PCDH15: variants seen among roughly 807,000 people sequenced by gnomAD.
PCDH15 encodes the protein protocadherin-15.
In PCDH15, 129 loss-of-function variants were observed where a neutral mutation model predicts 178.5. That is an observed-to-expected ratio of 0.72 (90% CI 0.63 to 0.84). The LOEUF (loss-of-function observed/expected upper bound fraction) is 0.84, where lower values mean the gene tolerates loss of function less well. Among genes scored for constraint, PCDH15 ranks in the 40% least tolerant of loss-of-function variants. PCDH15 has a pLI of 0.00. For synonymous variants in PCDH15, 800 were observed against 732.0 expected (o/e 1.09, Z -1.50); for missense variants, 2,230 against 2,099.9 (o/e 1.06, Z -1.21).
intron 2 of PCDH15, among the ~76,000 whole-genome samples, chr10:54,999,998 C>G (rs891076089): frequency 1.6e-4 from 25 of 152,070 alleles, no homozygotes; most frequent in African/African-American, 6.0e-4. Context: ...TATCACAAGG[C>G]AAATGGAGGC....
At chr10:54,284,451 C>A (rs1368169279) in intron 8 of PCDH15, among the ~76,000 whole-genome samples, 1 of 152,062 alleles carries the variant, frequency 6.6e-6, no homozygotes, top group Non-Finnish European at 1.5e-5. Flanking sequence ...TCCAGTATAT[C>A]ATAAATATAT....
chr10:53,873,177 C>T (rs537805653), intron 26 of PCDH15, among the ~76,000 whole-genome samples: 2 of 152,312 alleles, frequency 1.3e-5, no homozygotes, highest in South Asian at 2.1e-4. Flanking sequence ...TATAGAATCA[C>T]CATCTGTAAT....
At chr10:55,617,815 C>T (rs1296197974) in intron 2 of PCDH15, among the ~76,000 whole-genome samples, 1 of 152,010 alleles carries the variant, frequency 6.6e-6, no homozygotes, top group Non-Finnish European at 1.5e-5. Context: ...ACAAATCACT[C>T]TTTCACAGTC....
intron 8 of PCDH15, among the ~76,000 whole-genome samples, chr10:54,238,375 T>C (rs929440530): frequency 2.0e-5 from 3 of 152,078 alleles, no homozygotes; most frequent in Non-Finnish European, 4.4e-5. Flanking sequence ...ATTGAAGTTA[T>C]AATAAGGATA....
At chr10:54,474,042 T>TA (rs2078101969) in intron 3 of PCDH15, among the ~76,000 whole-genome samples, 1 of 151,898 alleles carries the variant, frequency 6.6e-6, no homozygotes. Context: ...TGATTCCTGA[T>TA]AAAGTAAATT....
At chr10:55,455,024 T>C (rs1038083599) in intron 2 of PCDH15, among the ~76,000 whole-genome samples, 7 of 152,088 alleles carry the variant, frequency 4.6e-5, no homozygotes, top group African/African-American at 1.7e-4. Context: ...ATGTAAGTGC[T>C]TACAAATAGT....
intron 28 of PCDH15, among the ~76,000 whole-genome samples, chr10:53,856,243 G>GA (rs1045178399): frequency 2.7e-5 from 4 of 150,540 alleles, no homozygotes; most frequent in Admixed American, 6.6e-5. Context: ...ACCAAAAAAA[G>GA]AAAAAAAAAT....
intron 3 of PCDH15, among the ~76,000 whole-genome samples, chr10:54,862,623 C>A (rs1156844140): frequency 6.6e-6 from 1 of 152,076 alleles, no homozygotes; most frequent in Non-Finnish European, 1.5e-5. Flanking sequence ...TAGATTCAGG[C>A]CCTCCCAAGG....
At chr10:55,370,351 T>C (rs1845476177) in intron 2 of PCDH15, among the ~76,000 whole-genome samples, 1 of 152,136 alleles carries the variant, frequency 6.6e-6, no homozygotes, top group African/African-American at 2.4e-5. Flanking sequence ...CAAAAAAAAT[T>C]AAAAAGCTCA....
chr10:53,940,314 A>T (rs1258950141), intron 24 of PCDH15, among the ~76,000 whole-genome samples: 1 of 152,136 alleles, frequency 6.6e-6, no homozygotes. Flanking sequence ...TAAATTACAA[A>T]AACTTATATT....
intron 2 of PCDH15, among the ~76,000 whole-genome samples, chr10:55,406,644 G>A (rs1007003539): frequency 3.9e-5 from 6 of 152,080 alleles, no homozygotes; most frequent in Non-Finnish European, 8.8e-5. Flanking sequence ...CACTTTTTAG[G>A]TATCCACATA....
chr10:55,182,137 A>G (rs1365231450), intron 1 of PCDH15, among the ~76,000 whole-genome samples: 1 of 151,966 alleles, frequency 6.6e-6, no homozygotes, highest in Non-Finnish European at 1.5e-5. Flanking sequence ...TTCTAGCATG[A>G]GGATACTTAT....
At chr10:54,728,987 G>A (rs975626963) in intron 1 of PCDH15, among the ~76,000 whole-genome samples, 11 of 151,300 alleles carry the variant, frequency 7.3e-5, no homozygotes, top group Admixed American at 4.6e-4. Flanking sequence ...TAGTAAAAAG[G>A]GCATACTGTC....
At chr10:55,538,881 CCT>C in intron 2 of PCDH15, among the ~76,000 whole-genome samples, 1 of 52,474 alleles carries the variant, frequency 1.9e-5, no homozygotes, top group Non-Finnish European at 3.6e-5. Context: ...TTCCTTCCTC[CCT>C]TCCTTCCTTT....
intron 2 of PCDH15, among the ~76,000 whole-genome samples, chr10:55,349,081 A>C (rs1900485): frequency 0.25 from 37,853 of 151,964 alleles, 5,825 homozygotes; most frequent in Admixed American, 0.35. Flanking sequence ...AGTGAGGAGA[A>C]CTATTGGGTC....
At chr10:55,153,541 A>T (rs2799583) in intron 2 of PCDH15, among the ~76,000 whole-genome samples, 5 of 152,080 alleles carry the variant, frequency 3.3e-5, no homozygotes, top group African/African-American at 1.2e-4. Context: ...AGAAGCTAGA[A>T]GTCATACAGC....
intron 11 of PCDH15, among the ~76,000 whole-genome samples, chr10:54,190,051 T>C (rs1318421002): frequency 1.9e-4 from 28 of 150,204 alleles, no homozygotes; most frequent in Admixed American, 1.9e-3. Flanking sequence ...CTGTGGCCCT[T>C]GGAATTCTTT....
rs184835185 is a variant in PCDH15, at chr10:53,821,785, G to A, written c.4368-1555C>T. The A allele has an allele frequency of 4.8e-5, 76 of 1,595,638 alleles. No individual in the cohort carries two copies. The highest frequency in any genetic ancestry group is 3.6e-4 in the South Asian group (32 of 88,610). On this transcript the variant is annotated intron_variant, in intron 32 of 37. Transcript: ENST00000644397. ...GTAAAATAATAGAGTCTTCTTTGAC[G>A]TTCAAATTTGATGTTCAACTTGAAG... is the stretch of plus-strand genomic sequence containing the variant.
chr10:54,048,864 A>G (rs1590113495), intron 18 of PCDH15, among the ~76,000 whole-genome samples: 1 of 149,850 alleles, frequency 6.7e-6, no homozygotes, highest in Non-Finnish European at 1.5e-5. Flanking sequence ...TTTTGTTTCC[A>G]TGTAAGTTTC....
Sources: allele counts gnomAD v4.1 joint callset (sites outside exome capture counted in the v4.1 genomes callset), GRCh38; gene constraint gnomAD v4.1.1; transcripts MANE v1.5; gene names NCBI Gene and HGNC (gene_info 2026-07-23, HGNC 2026-07-21).